Variants in TOGARAM2 observed in about 807,000 individuals in gnomAD.
TOGARAM2 encodes TOG array regulator of axonemal microtubules 2, also known as TOG array regulator of axonemal microtubules protein 2.
Under a neutral mutation model 93.3 loss-of-function variants are expected in TOGARAM2, and 85 were observed. The ratio of observed to expected loss-of-function variants is 0.91; its 90% CI spans 0.76 to 1.09. TOGARAM2 has a LOEUF of 1.09. Ranked by LOEUF, TOGARAM2 falls within the 50% of genes least tolerant of loss-of-function variation. The probability of loss-of-function intolerance (pLI) is 0.00; values close to 1 mark genes in which losing one functional copy is unlikely to be tolerated. For missense variants in TOGARAM2, 1,277 were observed against 1,334.5 expected (o/e 0.96, Z 0.67); for synonymous variants, 593 against 552.8 (o/e 1.07, Z -1.02).
intron 6 of TOGARAM2, among the ~76,000 whole-genome samples, chr2:29,004,570 G>C (rs1673508785): frequency 6.6e-6 from 1 of 152,214 alleles, no homozygotes; most frequent in African/African-American, 2.4e-5. Flanking sequence ...GTGTGTGTGA[G>C]AGTGAGTGTG....
At chr2:29,004,740 ATG>A (rs537741621) in intron 6 of TOGARAM2, among the ~76,000 whole-genome samples, 46 of 53,384 alleles carry the variant, frequency 8.6e-4, no homozygotes, top group Admixed American at 4.5e-3. Context: ...GAGTGCATGC[ATG>A]TGTGTGTGTG....
intron 19 of TOGARAM2, 136 bp downstream of exon 19, chr2:29,045,546 C>A: frequency 1.3e-6 from 1 of 760,246 alleles, no homozygotes; most frequent in Admixed American, 2.1e-5. Context: ...TGAAAATCTG[C>A]TTTTTTTGTG....
chr2:29,041,068 A>T (rs1043605469), intron 18 of TOGARAM2, among the ~76,000 whole-genome samples: 2 of 141,708 alleles, frequency 1.4e-5, no homozygotes, highest in African/African-American at 5.4e-5. Context: ...TCTGTCACCC[A>T]GGCTGGAGTG....
At chr2:29,031,137 C>T (rs1315729776) in intron 14 of TOGARAM2, among the ~76,000 whole-genome samples, 1 of 152,190 alleles carries the variant, frequency 6.6e-6, no homozygotes, top group Non-Finnish European at 1.5e-5. Flanking sequence ...TTCAGTTGGG[C>T]TAGGCAGTGA....
At chr2:29,013,636 G>C (rs1270315090) in intron 7 of TOGARAM2, among the ~76,000 whole-genome samples, 1 of 152,200 alleles carries the variant, frequency 6.6e-6, no homozygotes, top group African/African-American at 2.4e-5. Context: ...GCGTCCAGCA[G>C]GGGAGAAAGC....
chr2:28,996,472 T>C (rs1393876178), intron 2 of TOGARAM2, among the ~76,000 whole-genome samples: 3 of 152,064 alleles, frequency 2.0e-5, no homozygotes, highest in Non-Finnish European at 4.4e-5. Context: ...AGCTCCCATA[T>C]ATGAATGAAA....
chr2:29,015,311 C>T (rs1028352678), intron 8 of TOGARAM2, among the ~76,000 whole-genome samples: 2 of 152,194 alleles, frequency 1.3e-5, no homozygotes, highest in African/African-American at 4.8e-5. Flanking sequence ...GCGCTCCCTC[C>T]TGTGGCCACA....
At chr2:28,973,293 C>T (rs1671974114) in intron 1 of TOGARAM2, among the ~76,000 whole-genome samples, 1 of 152,142 alleles carries the variant, frequency 6.6e-6, no homozygotes, top group African/African-American at 2.4e-5. Context: ...TCTATGGTTC[C>T]CTTCCTTTAT....
At chr2:29,006,205 A>C (rs1558424733) in intron 6 of TOGARAM2, among the ~76,000 whole-genome samples, 1 of 130,172 alleles carries the variant, frequency 7.7e-6, no homozygotes, top group Non-Finnish European at 1.6e-5. Flanking sequence ...GTGTGAGTGC[A>C]TGTGTTTGTG....
At chr2:28,982,488 T>C (rs1175777733) in intron 1 of TOGARAM2, among the ~76,000 whole-genome samples, 4 of 152,130 alleles carry the variant, frequency 2.6e-5, no homozygotes, top group Non-Finnish European at 5.9e-5. Context: ...CCCTCGCTCT[T>C]CTCACCAATG....
At position 29,002,659 on chromosome 2, in the gene TOGARAM2, C is replaced by T; in HGVS notation, c.551C>T (p.Thr184Ile). ...PMPLIQSIPT[T>I]PEASGVKEKG... ...CCTCTCATCCAGAGCATCCCTACCA[C>T]CCCTGAGGCCAGCGGAGTCAAAGAG... Residue 184 changes from threonine (T) to isoleucine (I), a missense_variant, in exon 5 of 20, where the codon ACC becomes ATC. By Grantham distance (89) the Thr-to-Ile change is moderately conservative. Coordinates refer to ENST00000379558, the MANE Select transcript of TOGARAM2 (RefSeq NM_199280.4). The T allele has an allele frequency of 1.2e-6, 2 of 1,614,034 alleles. No homozygotes were observed. The highest frequency in any genetic ancestry group is 8.5e-7 in the Non-Finnish European group (1 of 1,179,894).
At chr2:28,996,926 C>T (rs1442174887) in intron 2 of TOGARAM2, among the ~76,000 whole-genome samples, 5 of 151,622 alleles carry the variant, frequency 3.3e-5, no homozygotes, top group African/African-American at 1.2e-4. Context: ...TGTATATGTG[C>T]CACATTTTCT....
At chr2:29,005,761 GTGAGTA>G (rs1558423489) in intron 6 of TOGARAM2, among the ~76,000 whole-genome samples, 2 of 110,604 alleles carry the variant, frequency 1.8e-5, no homozygotes, top group Non-Finnish European at 2.1e-5. Flanking sequence ...ATGTGTGTGT[GTGAGTA>G]CATGTGTGGA....
chr2:29,033,939 C>G (rs1010006772), intron 16 of TOGARAM2, among the ~76,000 whole-genome samples: 2 of 152,078 alleles, frequency 1.3e-5, no homozygotes, highest in African/African-American at 2.4e-5. Flanking sequence ...AGAGGCCCAG[C>G]CTGAACTAAG....
chr2:29,005,421 G>C (rs1174902841), intron 6 of TOGARAM2, among the ~76,000 whole-genome samples: 1 of 149,866 alleles, frequency 6.7e-6, no homozygotes, highest in Non-Finnish European at 1.5e-5. Context: ...GCGTGTGTGA[G>C]AGCATGCATG....
chr2:29,024,751 G>A (rs985602509), intron 13 of TOGARAM2, among the ~76,000 whole-genome samples: 1 of 152,198 alleles, frequency 6.6e-6, no homozygotes, highest in African/African-American at 2.4e-5. Flanking sequence ...CACCGTGGCT[G>A]TGGGAGCGCC....
chr2:29,037,389 G>T (rs2148381492), intron 18 of TOGARAM2, among the ~76,000 whole-genome samples: 1 of 152,310 alleles, frequency 6.6e-6, no homozygotes, highest in Admixed American at 6.5e-5. Flanking sequence ...CTTATGGCCA[G>T]CCCAGTACAA....
intron 1 of TOGARAM2, among the ~76,000 whole-genome samples, chr2:28,970,513 G>A (rs1412098345): frequency 6.6e-6 from 1 of 152,208 alleles, no homozygotes; most frequent in African/African-American, 2.4e-5. Context: ...GCTCTCTGGG[G>A]CTTGTCTTTG....
At chr2:28,983,621 C>T (rs144215871) in intron 1 of TOGARAM2, among the ~76,000 whole-genome samples, 51 of 152,232 alleles carry the variant, frequency 3.4e-4, no homozygotes, top group East Asian at 5.8e-4. Flanking sequence ...TGGACACTCT[C>T]GAGCTCCTTT....
Sources: gnomAD v4.1 joint callset for allele counts (sites outside exome capture counted in the v4.1 genomes callset) on GRCh38, gnomAD v4.1.1 for gene constraint, MANE v1.5 for transcripts, NCBI Gene and HGNC (gene_info 2026-07-23, HGNC 2026-07-21) for gene names.